The following NUP153 variants were observed in gnomAD, a reference collection of about 807,000 sequenced individuals.
NUP153 encodes the protein nucleoporin 153, also known as nuclear pore complex protein Nup153.
NUP153 carries 27 observed loss-of-function variants against 134.6 expected under a neutral mutation model. That is an observed-to-expected ratio of 0.20 (90% CI 0.15 to 0.28). The LOEUF (loss-of-function observed/expected upper bound fraction) is 0.28. Among genes scored for constraint, NUP153 ranks in the 10% least tolerant of loss-of-function variants. The pLI, the probability that NUP153 is intolerant of heterozygous loss-of-function variation, is 1.00. For synonymous variants in NUP153, 640 were observed against 623.5 expected, an observed-to-expected ratio of 1.03 and a Z score of -0.40; for missense variants, 1,821 against 1,731.3, an observed-to-expected ratio of 1.05 and a Z score of -0.92.
chr6:17,667,489 C>T lies in NUP153; in HGVS notation c.1068+1486G>A, dbSNP rs12209560. Among the ~76,000 whole-genome samples, 1,350 of 152,168 alleles carry T rather than the reference C, an allele frequency of 8.9e-3. 10 individuals carry two copies. The highest frequency in any genetic ancestry group is 0.014 in the Non-Finnish European group (936 of 67,980). ...CAGCACTTTGGGAGGCCGAGGCGGG[C>T]GGATCACGAGGTCAAGAGATCAAGG... is the stretch of plus-strand genomic sequence containing the variant. On this transcript the variant is annotated intron_variant, in intron 8 of 21. Transcript: ENST00000262077.
chr6:17,675,192 A>C lies in NUP153; in HGVS notation c.723+37T>G. On this transcript the variant is annotated intron_variant, in intron 4 of 21. Coordinates refer to ENST00000262077, the MANE Select transcript of NUP153 (RefSeq NM_005124.4). This position sits in a 1 kb window ranked among gnomAD's most constrained non-coding sequence, Gnocchi z 4.4. ...AAAATTATAAGCAATAAACACTCAA[A>C]ACTAATGTGATTAAATCCAACCCAG... 1.2e-6 allele frequency: 2 copies of C among 1,609,212 alleles called. No homozygotes were observed. The highest frequency in any genetic ancestry group is 1.3e-5 in the African/African-American group (1 of 74,718).
At chr6:17,640,288 G>T (rs1001885627) in intron 14 of NUP153, among the ~76,000 whole-genome samples, 4 of 151,822 alleles carry the variant, frequency 2.6e-5, no homozygotes, top group African/African-American at 9.7e-5. Flanking sequence ...CAATAAAAAG[G>T]CAAAAAAATA....
At chr6:17,693,329 G>GC (rs1181197880) in intron 1 of NUP153, among the ~76,000 whole-genome samples, 1 of 151,942 alleles carries the variant, frequency 6.6e-6, no homozygotes, top group Admixed American at 6.6e-5. Flanking sequence ...TGGTAAGACT[G>GC]CCCCATGAGA....
intron 17 of NUP153, among the ~76,000 whole-genome samples, chr6:17,630,801 AAG>A (rs1411927233): frequency 1.3e-5 from 2 of 151,002 alleles, no homozygotes; most frequent in African/African-American, 4.9e-5. Flanking sequence ...GACAGGAGAG[AAG>A]AGAGAGGAGA....
intron 1 of NUP153, among the ~76,000 whole-genome samples, chr6:17,690,949 C>A (rs1769239084): frequency 6.6e-6 from 1 of 151,926 alleles, no homozygotes; most frequent in South Asian, 2.1e-4. Context: ...ACCAGCCTGA[C>A]CAATATGATG....
Position 17,674,682 on chromosome 6 carries a change from A to C in NUP153, c.852+223T>G, listed in dbSNP as rs12194325. Among the ~76,000 whole-genome samples, 1,349 of 152,288 alleles carry C rather than the reference A, an allele frequency of 8.9e-3. 10 individuals carry two copies. Among genetic ancestry groups the C allele is most frequent in the Non-Finnish European group, 0.014 (937 of 68,022 alleles). On this transcript the variant is annotated intron_variant, in intron 5 of 21. Transcript: ENST00000262077. The stretch of plus-strand genomic sequence containing the variant: ...CTACTTGGGAGGCTAAGGCAGGAGA[A>C]TCGCTTGAAACCAGGAGACGGAGGT...
chr6:17,706,194 G>A lies in NUP153; in HGVS notation c.111+83C>T. 1 of 1,099,690 alleles carries A rather than the reference G, an allele frequency of 9.1e-7. No individual in the cohort carries two copies. The highest frequency in any genetic ancestry group is 1.4e-6 in the Non-Finnish European group (1 of 727,982). 68.1% of individuals were successfully genotyped at this position (1,099,690 alleles called of 1,614,324 possible). A position where few individuals can be genotyped will look rare whatever the true frequency, so the allele number is the denominator to read the frequency against. On this transcript the variant is annotated intron_variant, in intron 1 of 21. Coordinates refer to ENST00000262077, the MANE Select transcript of NUP153 (RefSeq NM_005124.4). The surrounding 1 kb of genome is among the most constrained non-coding windows in gnomAD (Gnocchi z 5.9). ...TCAGGCCCTCCTGTCTGCTCCACGT[G>A]GGGCGCCGGGGCCTCGAACCGCCCG... is the stretch of plus-strand genomic sequence containing the variant.
intron 17 of NUP153, among the ~76,000 whole-genome samples, chr6:17,631,749 G>T (rs1765266202): frequency 6.6e-6 from 1 of 151,896 alleles, no homozygotes; most frequent in Non-Finnish European, 1.5e-5. Flanking sequence ...GGTGGATCAC[G>T]AAGTCAGGAG....
intron 9 of NUP153, among the ~76,000 whole-genome samples, chr6:17,664,144 G>A (rs1767367676): frequency 1.3e-5 from 2 of 152,062 alleles, no homozygotes; most frequent in South Asian, 4.1e-4. Context: ...ATGAAGTACT[G>A]ATACATACTA....
chr6:17,696,112 G>C (rs1188607432), intron 1 of NUP153, among the ~76,000 whole-genome samples: 1 of 151,898 alleles, frequency 6.6e-6, no homozygotes, highest in African/African-American at 2.4e-5. Flanking sequence ...TGGGTGACAA[G>C]AGTGAAACTG....
At chr6:17,683,495 G>C (rs1768736099) in intron 2 of NUP153, among the ~76,000 whole-genome samples, 2 of 152,190 alleles carry the variant, frequency 1.3e-5, no homozygotes, top group Non-Finnish European at 2.9e-5. Flanking sequence ...TTAATGAGCA[G>C]TGTTGTTTTG....
chr6:17,618,644 C>T (rs1182037307), intron 20 of NUP153, among the ~76,000 whole-genome samples: 4 of 150,184 alleles, frequency 2.7e-5, no homozygotes, highest in Admixed American at 6.7e-5. Context: ...CAGCTCACTG[C>T]AAGCTCCACC....
chr6:17,701,839 G>GT lies in NUP153; in HGVS notation c.111+4437_111+4438insA, dbSNP rs1211251258. On this transcript the variant is annotated intron_variant, in intron 1 of 21. Transcript: ENST00000262077. ...CAGAGCAAGACTCTGTCTCGGGGGG[G>GT]GGGGGAAAAAAGCTAAATGCAGGAA... 9.5e-5 allele frequency among the ~76,000 whole-genome samples: 10 copies of GT among 105,398 alleles called. 2 individuals are homozygous for GT. Among genetic ancestry groups the GT allele is most frequent in the Non-Finnish European group, 2.1e-4 (10 of 48,342 alleles). 69.1% of individuals were successfully genotyped at this position (105,398 alleles called of 152,430 possible).
At chr6:17,624,256 A>T (rs755288601) in intron 20 of NUP153, among the ~76,000 whole-genome samples, 4 of 152,178 alleles carry the variant, frequency 2.6e-5, no homozygotes, top group Admixed American at 1.3e-4. Context: ...CAGAAAATGC[A>T]CTTCAAAGCT....
At chr6:17,637,806 A>C (rs764303696) in intron 15 of NUP153, 36 bp from the exon 16 acceptor site, 5 of 1,544,304 alleles carry the variant, frequency 3.2e-6, no homozygotes, top group Admixed American at 2.0e-5. Flanking sequence ...AACGTTAGAG[A>C]AGCTTTATAA....
chr6:17,657,385 T>C (rs951189412), intron 11 of NUP153, among the ~76,000 whole-genome samples: 1 of 137,900 alleles, frequency 7.3e-6, no homozygotes, highest in African/African-American at 2.8e-5. Context: ...TCTACTAAAA[T>C]AAAAAAATAA....
At chr6:17,653,557 T>C (rs1766627981) in intron 11 of NUP153, among the ~76,000 whole-genome samples, 1 of 152,204 alleles carries the variant, frequency 6.6e-6, no homozygotes, top group Non-Finnish European at 1.5e-5. Context: ...TCCAGGTATT[T>C]ACCCCAGAGA....
At chr6:17,630,527 G>A (rs965080615) in intron 17 of NUP153, among the ~76,000 whole-genome samples, 3 of 152,046 alleles carry the variant, frequency 2.0e-5, no homozygotes, top group African/African-American at 7.2e-5. Context: ...GCCAGGCATG[G>A]TGGTCTGTGC....
At chr6:17,694,101 T>C (rs1251481997) in intron 1 of NUP153, among the ~76,000 whole-genome samples, 2 of 152,240 alleles carry the variant, frequency 1.3e-5, no homozygotes, top group South Asian at 2.1e-4. Context: ...TGTTTATGCG[T>C]TACATATTAT....
Sources: allele counts gnomAD v4.1 joint callset (sites outside exome capture counted in the v4.1 genomes callset), GRCh38; gene constraint gnomAD v4.1.1; non-coding constraint Gnocchi (gnomAD v3.1); transcripts MANE v1.5; gene names NCBI Gene and HGNC (gene_info 2026-07-23, HGNC 2026-07-21).